The following NCALD variants were observed in gnomAD, a reference collection of about 807,000 sequenced individuals.
NCALD encodes neurocalcin delta.
NCALD carries 10 observed loss-of-function variants against 18.6 expected under a neutral mutation model. The ratio of observed to expected loss-of-function variants is 0.54; its 90% CI spans 0.33 to 0.91. The LOEUF (loss-of-function observed/expected upper bound fraction) is 0.91, where lower values mean the gene tolerates loss of function less well. Among genes scored for constraint, NCALD ranks in the 40% least tolerant of loss-of-function variants. The pLI, the probability that NCALD is intolerant of heterozygous loss-of-function variation, is 0.03. For missense variants in NCALD, 184 were observed against 247.6 expected (o/e 0.74, Z 1.72); for synonymous variants, 88 against 87.4 (o/e 1.01, Z -0.04).
intron 1 of NCALD, among the ~76,000 whole-genome samples, chr8:101,735,023 GGAA>G (rs1000950261): frequency 1.3e-5 from 2 of 152,116 alleles, no homozygotes; most frequent in Admixed American, 1.3e-4. Flanking sequence ...TTGAAGGAAG[GGAA>G]GAAGAACAAG....
At chr8:101,960,475 A>T (rs1433681749) in intron 2 of NCALD, among the ~76,000 whole-genome samples, 1 of 152,200 alleles carries the variant, frequency 6.6e-6, no homozygotes, top group East Asian at 1.9e-4. Flanking sequence ...TTTTACAAGT[A>T]GGAATAGTGT....
intron 1 of NCALD, among the ~76,000 whole-genome samples, chr8:102,071,733 CAATA>C (rs57653344): frequency 0.85 from 128,434 of 151,734 alleles, 55,016 homozygotes; most frequent in African/African-American, 0.97. Flanking sequence ...AATTTTAAAA[CAATA>C]AATACCATTT....
intron 4 of NCALD, among the ~76,000 whole-genome samples, chr8:101,863,543 C>T (rs1292483537): frequency 6.6e-6 from 1 of 152,004 alleles, no homozygotes; most frequent in Non-Finnish European, 1.5e-5. Flanking sequence ...GCATTCCATT[C>T]TGTGGTTGGT....
chr8:101,932,174 TTCTG>T (rs1279240067), intron 2 of NCALD, among the ~76,000 whole-genome samples: 2 of 151,494 alleles, frequency 1.3e-5, no homozygotes, highest in African/African-American at 4.9e-5. Context: ...CCAGGGCATG[TTCTG>T]TCTTTCAGCC....
At chr8:101,800,399 G>C (rs557826948) in intron 4 of NCALD, among the ~76,000 whole-genome samples, 1 of 151,652 alleles carries the variant, frequency 6.6e-6, no homozygotes, top group African/African-American at 2.4e-5. Context: ...AGAACATACT[G>C]CTAATAAGCT....
chr8:101,964,188 A>C (rs1260083210), intron 2 of NCALD, among the ~76,000 whole-genome samples: 1 of 152,122 alleles, frequency 6.6e-6, no homozygotes, highest in Non-Finnish European at 1.5e-5. Flanking sequence ...CTATGAATAG[A>C]AGGACAGAAC....
At chr8:101,754,311 T>G (rs2387617) in intron 1 of NCALD, among the ~76,000 whole-genome samples, 93,347 of 152,140 alleles carry the variant, frequency 0.61, 31,476 homozygotes, top group Non-Finnish European at 0.75. Flanking sequence ...TACAATATCT[T>G]ACAACAGCTC....
chr8:101,763,988 ACACACACACACACACACACACACACACC>A (rs1270697707), intron 1 of NCALD, among the ~76,000 whole-genome samples: 8 of 71,948 alleles, frequency 1.1e-4, no homozygotes, highest in Non-Finnish European at 1.8e-4. Context: ...ACACACACAC[ACACACACACACACACACACACACACACC>A]CCCTATTGGT....
chr8:101,952,973 C>G (rs1819489196), intron 2 of NCALD, among the ~76,000 whole-genome samples: 1 of 151,896 alleles, frequency 6.6e-6, no homozygotes, highest in Non-Finnish European at 1.5e-5. Context: ...TTCCTTCTAT[C>G]TCCCTCCTTT....
intron 1 of NCALD, among the ~76,000 whole-genome samples, chr8:102,037,287 C>T (rs924670726): frequency 2.6e-5 from 4 of 152,178 alleles, no homozygotes; most frequent in African/African-American, 9.7e-5. Context: ...AGTTAAGTAA[C>T]TTGCCCAAGG....
rs570760940 is a variant in NCALD at position 101,808,945 on chromosome 8, TTTTA to T, written c.-20+78192_-20+78195del. Among the ~76,000 whole-genome samples, 103 of 152,228 alleles carry T rather than the reference TTTTA, an allele frequency of 6.8e-4. 3 individuals carry two copies. The South Asian group carries it at 0.021, about 30-fold the overall frequency. On this transcript the variant is annotated intron_variant, in intron 4 of 6. Transcript: ENST00000311028. ...AGAGACATAAAGAGGGAGATTTCCA[TTTTA>T]TTTAAGATACCACTATTACATGCCA...
chr8:101,962,405 G>T (rs1021550951), intron 2 of NCALD, among the ~76,000 whole-genome samples: 2 of 152,300 alleles, frequency 1.3e-5, no homozygotes, highest in African/African-American at 4.8e-5. Flanking sequence ...TTCTTGATTT[G>T]CTAAAGCCAT....
intron 3 of NCALD, among the ~76,000 whole-genome samples, chr8:101,894,046 A>T (rs1817036433): frequency 6.8e-6 from 1 of 147,486 alleles, no homozygotes; most frequent in African/African-American, 2.7e-5. Flanking sequence ...TCCACCCCAA[A>T]TCAACAGAAT....
At chr8:101,846,966 A>G (rs578160016) in intron 4 of NCALD, among the ~76,000 whole-genome samples, 1 of 152,306 alleles carries the variant, frequency 6.6e-6, no homozygotes, top group African/African-American at 2.4e-5. Flanking sequence ...GCAGGTTGTC[A>G]CCAAATATCT....
chr8:102,038,558 A>G (rs902570520), intron 1 of NCALD, among the ~76,000 whole-genome samples: 2 of 152,184 alleles, frequency 1.3e-5, no homozygotes, highest in African/African-American at 4.8e-5. Context: ...CAAAGTCCCT[A>G]GAAGCCCTAA....
rs553587180 is a variant in NCALD, at chr8:102,061,760, G to C, written c.-209-41471C>G. Reference sequence around the variant, plus strand: ...CCAGCCGCCACAGACCTCCATACTCGGCAGAATTTTCAGCCGTGCATAAAT... The same window carrying C: ...CCAGCCGCCACAGACCTCCATACTCCGCAGAATTTTCAGCCGTGCATAAAT... On this transcript the variant is annotated intron_variant, in intron 1 of 6. Transcript: ENST00000311028. 3.3e-5 allele frequency among the ~76,000 whole-genome samples: 5 copies of C among 152,196 alleles called. No individual in the cohort carries two copies. The South Asian group carries it at 1.0e-3, about 32-fold the overall frequency.
intron 3 of NCALD, among the ~76,000 whole-genome samples, chr8:101,897,803 T>G (rs1817261456): frequency 6.6e-6 from 1 of 152,344 alleles, no homozygotes; most frequent in Admixed American, 6.5e-5. Flanking sequence ...TTCCATTTTT[T>G]TGCATCCTCA....
intron 3 of NCALD, among the ~76,000 whole-genome samples, chr8:101,906,493 A>T (rs1347238525): frequency 6.6e-6 from 1 of 152,224 alleles, no homozygotes; most frequent in Non-Finnish European, 1.5e-5. Context: ...TTGACACAAA[A>T]ACAAATGGGT....
chr8:101,747,044 C>T (rs989147781), intron 1 of NCALD, among the ~76,000 whole-genome samples: 13 of 152,146 alleles, frequency 8.5e-5, no homozygotes, highest in Non-Finnish European at 1.0e-4. Flanking sequence ...GCCAACTCTA[C>T]GATATCCAGT....
Sources: allele counts gnomAD v4.1 joint callset (sites outside exome capture counted in the v4.1 genomes callset), GRCh38; gene constraint gnomAD v4.1.1; transcripts MANE v1.5; gene names NCBI Gene and HGNC (gene_info 2026-07-23, HGNC 2026-07-21).